Variants in PTPRK observed in about 807,000 individuals in gnomAD.
The protein encoded by PTPRK is receptor-type tyrosine-protein phosphatase kappa.
In PTPRK, 75 loss-of-function variants were observed where a neutral mutation model predicts 178.0. The ratio of observed to expected loss-of-function variants is 0.42; its 90% CI spans 0.35 to 0.51. The LOEUF is 0.51. PTPRK is among the 20% of genes least tolerant of loss of function. PTPRK has a pLI of 0.02. For missense variants in PTPRK, 1,441 were observed against 1,797.8 expected (o/e 0.80, Z 3.59); for synonymous variants, 637 against 620.6 (o/e 1.03, Z -0.39).
chr6:128,399,281 G>A (rs1223358747), intron 1 of PTPRK, among the ~76,000 whole-genome samples: 3 of 152,134 alleles, frequency 2.0e-5, no homozygotes, highest in African/African-American at 4.8e-5. Flanking sequence ...TGACAGGGAG[G>A]GGTCAGTGTC....
intron 1 of PTPRK, among the ~76,000 whole-genome samples, chr6:128,478,836 G>T (rs1290295979): frequency 2.6e-5 from 4 of 152,100 alleles, no homozygotes; most frequent in African/African-American, 7.2e-5. Context: ...TATATTGCTA[G>T]GAAATAAAAT....
chr6:128,240,957 G>A (rs1167738836), intron 4 of PTPRK, among the ~76,000 whole-genome samples: 3 of 152,170 alleles, frequency 2.0e-5, no homozygotes, highest in African/African-American at 4.8e-5. Flanking sequence ...ATGGAGGGCC[G>A]TATCACCCTA....
intron 7 of PTPRK, among the ~76,000 whole-genome samples, chr6:128,178,064 C>G (rs974780861): frequency 6.6e-6 from 1 of 151,736 alleles, no homozygotes; most frequent in Non-Finnish European, 1.5e-5. Flanking sequence ...CATTATTTCA[C>G]AAGTAAGGAA....
intron 6 of PTPRK, among the ~76,000 whole-genome samples, chr6:128,209,084 C>A (rs955585341): frequency 2.0e-5 from 3 of 151,908 alleles, no homozygotes; most frequent in African/African-American, 4.8e-5. Context: ...ATAACCACCC[C>A]CCCCAGGAAC....
intron 7 of PTPRK, among the ~76,000 whole-genome samples, chr6:128,094,994 GT>G (rs1436723179): frequency 1.3e-5 from 2 of 152,032 alleles, no homozygotes; most frequent in African/African-American, 2.4e-5. Context: ...GGGCAGGTGA[GT>G]TTGAAGGGAA....
rs768691174 is a variant in PTPRK, at chr6:128,078,796, T to C, written c.1883+17A>G. 8.3e-6 allele frequency: 13 copies of C among 1,558,642 alleles called. No individual in the cohort carries two copies. In the South Asian group the frequency reaches 8.9e-5, roughly 11 times the overall value. ...ACCTGTGGATAAGGCAGAACTACTG[T>C]AGTTTTCTCCTCTTACCTGATAGGA... is the stretch of plus-strand genomic sequence containing the variant. On this transcript the variant is annotated intron_variant, in intron 11 of 29. Transcript: ENST00000368226.
intron 7 of PTPRK, among the ~76,000 whole-genome samples, chr6:128,171,571 GATATAACAA>G (rs2114647353): frequency 6.6e-6 from 1 of 151,980 alleles, no homozygotes; most frequent in Admixed American, 6.6e-5. Flanking sequence ...TAAAAACCAC[GATATAACAA>G]ATGCGTTACT....
At chr6:128,104,785 A>G (rs1789408805) in intron 7 of PTPRK, among the ~76,000 whole-genome samples, 1 of 152,158 alleles carries the variant, frequency 6.6e-6, no homozygotes, top group South Asian at 2.1e-4. Context: ...CTCTAGAAAA[A>G]CCCTTAACAT....
intron 7 of PTPRK, among the ~76,000 whole-genome samples, chr6:128,097,229 G>C (rs1193698240): frequency 6.6e-6 from 1 of 152,038 alleles, no homozygotes; most frequent in Admixed American, 6.6e-5. Flanking sequence ...TGACATGCTT[G>C]GACTCGAGGG....
At chr6:128,262,196 G>A (rs1008494058) in intron 3 of PTPRK, among the ~76,000 whole-genome samples, 1 of 152,100 alleles carries the variant, frequency 6.6e-6, no homozygotes, top group African/African-American at 2.4e-5. Context: ...ACTCAAAACT[G>A]TTGATACACC....
chr6:128,445,580 A>G (rs1846901874), intron 1 of PTPRK, among the ~76,000 whole-genome samples: 1 of 151,580 alleles, frequency 6.6e-6, no homozygotes, highest in East Asian at 1.9e-4. Flanking sequence ...AAAATGCATT[A>G]AATGCATGTA....
intron 7 of PTPRK, 63 bp from the exon 8 acceptor site, chr6:128,090,055 A>C (rs1336433237): frequency 7.6e-7 from 1 of 1,319,178 alleles, no homozygotes; most frequent in African/African-American, 1.5e-5. Context: ...CTGGAAAAAT[A>C]AAACACCAAG....
intron 10 of PTPRK, among the ~76,000 whole-genome samples, chr6:128,080,108 A>AT (rs1784551217): frequency 6.6e-6 from 1 of 152,028 alleles, no homozygotes; most frequent in Non-Finnish European, 1.5e-5. Flanking sequence ...TAAGCCAAAT[A>AT]TTAAAAAAAG....
chr6:128,126,478 A>G (rs1793394824), intron 7 of PTPRK, among the ~76,000 whole-genome samples: 1 of 152,082 alleles, frequency 6.6e-6, no homozygotes, highest in Non-Finnish European at 1.5e-5. Context: ...TTCTGCAGAA[A>G]TAAGTGTTTT....
intron 13 of PTPRK, among the ~76,000 whole-genome samples, chr6:128,064,395 A>G (rs1262832401): frequency 6.6e-6 from 1 of 152,190 alleles, no homozygotes; most frequent in Admixed American, 6.6e-5. Flanking sequence ...TTTATGTTTG[A>G]TTGTCTACAA....
At chr6:128,129,413 T>C (rs1258353193) in intron 7 of PTPRK, among the ~76,000 whole-genome samples, 1 of 152,196 alleles carries the variant, frequency 6.6e-6, no homozygotes, top group African/African-American at 2.4e-5. Context: ...TGCTAGACTT[T>C]TTTTCATTAG....
At position 128,412,184 on chromosome 6, in the gene PTPRK, C is replaced by T. The variant is rs75467962; in HGVS notation, c.101-14496G>A. ...TAAATTAATATCTCTTTCCAATCAT[C>T]TTCAATGCTACTTCCAATACAGGAT... On this transcript the variant is annotated intron_variant, in intron 1 of 29. Coordinates refer to ENST00000368226, the MANE Select transcript of PTPRK (RefSeq NM_002844.4). 4.2e-3 allele frequency among the ~76,000 whole-genome samples: 643 copies of T among 152,286 alleles called. 2 individuals carry two copies. The highest frequency in any genetic ancestry group is 0.015 in the African/African-American group (604 of 41,562).
intron 13 of PTPRK, among the ~76,000 whole-genome samples, chr6:128,032,514 T>G (rs1343102617): frequency 6.6e-6 from 1 of 152,196 alleles, no homozygotes; most frequent in East Asian, 1.9e-4. Flanking sequence ...CCAGGAAATT[T>G]TAAATCAAAT....
chr6:128,298,348 A>G (rs548276731), intron 3 of PTPRK, among the ~76,000 whole-genome samples: 1 of 152,108 alleles, frequency 6.6e-6, no homozygotes, highest in African/African-American at 2.4e-5. Flanking sequence ...CAATCAATAG[A>G]AAAAGAGGGA....
Sources: gnomAD v4.1 joint callset for allele counts (sites outside exome capture counted in the v4.1 genomes callset) on GRCh38, gnomAD v4.1.1 for gene constraint, MANE v1.5 for transcripts, NCBI Gene and HGNC (gene_info 2026-07-23, HGNC 2026-07-21) for gene names.